ZDHHC21: variants seen among roughly 807,000 people sequenced by gnomAD.
ZDHHC21 encodes zDHHC palmitoyltransferase 21.
A neutral mutation model predicts 34.6 loss-of-function variants in ZDHHC21; 15 were observed. The ratio of observed to expected loss-of-function variants is 0.43; its 90% CI spans 0.29 to 0.67. The LOEUF (loss-of-function observed/expected upper bound fraction) is 0.67. Ranked by LOEUF, ZDHHC21 falls within the 30% of genes least tolerant of loss-of-function variation. The probability of loss-of-function intolerance (pLI) is 0.14; values close to 1 mark genes in which losing one functional copy is unlikely to be tolerated. For synonymous variants in ZDHHC21, 142 were observed against 101.8 expected, an observed-to-expected ratio of 1.40 and a Z score of -2.38; for missense variants, 344 against 327.7, an observed-to-expected ratio of 1.05 and a Z score of -0.38.
Position 14,674,369 on chromosome 9 carries a change from C to T in ZDHHC21, c.-29G>A, listed in dbSNP as rs754933382. On this transcript the variant is annotated 5_prime_UTR_variant, in exon 4 of 10. An upstream open reading frame in the 5' UTR gains an earlier in-frame stop. Transcript: ENST00000380916. ...GCAATCTTATAACTGCCTGCTAACCCACAAGGAAGGATGATCCTAAGGAGA... is the reference window on the plus strand; with the variant it reads ...GCAATCTTATAACTGCCTGCTAACCTACAAGGAAGGATGATCCTAAGGAGA... The T allele has an allele frequency of 6.4e-7, 1 of 1,570,394 alleles. No individual in the cohort carries two copies.
chr9:14,689,156 G>C (rs912161068), intron 2 of ZDHHC21, among the ~76,000 whole-genome samples: 1 of 152,216 alleles, frequency 6.6e-6, no homozygotes, highest in African/African-American at 2.4e-5. Flanking sequence ...CCTTCGGCTA[G>C]TATCATACTA....
the ZDHHC21 span, among the ~76,000 whole-genome samples, chr9:14,601,312 C>T: frequency 2.6e-5 from 4 of 152,056 alleles, no homozygotes; most frequent in Non-Finnish European, 5.9e-5. Flanking sequence ...AAGAAAAAAA[C>T]AACCCCATCA....
chr9:14,684,411 G>C (rs935472815), intron 2 of ZDHHC21, among the ~76,000 whole-genome samples: 1 of 147,474 alleles, frequency 6.8e-6, no homozygotes, highest in African/African-American at 2.5e-5. Context: ...ACCAACAACA[G>C]ACAAACAGAG....
At chr9:14,662,754 A>C (rs1021660276) in intron 5 of ZDHHC21, among the ~76,000 whole-genome samples, 1 of 152,334 alleles carries the variant, frequency 6.6e-6, no homozygotes, top group Admixed American at 6.5e-5. Flanking sequence ...CCTGGTTTCA[A>C]TTGATTAGTA....
chr9:14,680,559 T>C (rs1389613369), intron 2 of ZDHHC21, among the ~76,000 whole-genome samples: 3 of 152,102 alleles, frequency 2.0e-5, no homozygotes, highest in Non-Finnish European at 4.4e-5. Context: ...TAATTTAAAA[T>C]GCTTTAAGAA....
At chr9:14,662,399 G>C (rs1176315499) in intron 5 of ZDHHC21, 73 bp from the exon 6 acceptor site, 1 of 1,165,618 alleles carries the variant, frequency 8.6e-7, no homozygotes, top group East Asian at 2.5e-5. Flanking sequence ...CAGTTGTTTA[G>C]AAGATTTTAT....
intron 7 of ZDHHC21, among the ~76,000 whole-genome samples, chr9:14,649,429 A>C (rs879888743): frequency 2.6e-5 from 4 of 152,046 alleles, no homozygotes; most frequent in African/African-American, 4.8e-5. Context: ...TTTAATCCTA[A>C]AATAAAATCC....
chr9:14,612,294 T>C lies in ZDHHC21; in HGVS notation c.*6672A>G, dbSNP rs1823435496. The C allele has an allele frequency of 6.6e-6, 1 of 152,006 alleles. No homozygotes were observed. The highest frequency in any genetic ancestry group is 2.4e-5 in the African/African-American group (1 of 41,434). 9.4% of individuals were successfully genotyped at this position (152,006 alleles called of 1,614,324 possible). On this transcript the variant is annotated 3_prime_UTR_variant, in exon 10 of 10. Transcript: ENST00000380916. ...AGAGGTTGATTTTAGCTAACAATAA[T>C]GCAAAATATTTTCAAATGTGAATGT... is the stretch of plus-strand genomic sequence containing the variant.
chr9:14,600,151 G>C, the ZDHHC21 span, among the ~76,000 whole-genome samples: 9 of 152,260 alleles, frequency 5.9e-5, no homozygotes, highest in East Asian at 1.9e-4. Context: ...GGAAGTTCTA[G>C]CCAGGGCAAT....
chr9:14,668,667 G>A (rs911959899), intron 5 of ZDHHC21, among the ~76,000 whole-genome samples: 3 of 149,180 alleles, frequency 2.0e-5, no homozygotes, highest in Admixed American at 1.3e-4. Context: ...TAGACCAATG[G>A]AACAGAACAG....
intron 2 of ZDHHC21, among the ~76,000 whole-genome samples, chr9:14,687,661 C>A (rs1343039837): frequency 6.6e-6 from 1 of 150,632 alleles, no homozygotes; most frequent in Non-Finnish European, 1.5e-5. Context: ...AGTCTGGGTG[C>A]CAGAGTAAGG....
chr9:14,645,261 C>G (rs942358101), intron 7 of ZDHHC21, among the ~76,000 whole-genome samples: 4 of 151,686 alleles, frequency 2.6e-5, no homozygotes, highest in African/African-American at 9.7e-5. Flanking sequence ...CAAGGAGAGA[C>G]AAATAGATCA....
Position 14,612,509 on chromosome 9 carries a change from G to A in ZDHHC21, c.*6457C>T, listed in dbSNP as rs1011653755. ...TTTTAAATTACGAGTACACTTAAAGGGTGTTTCTCTTCATTTTTGTAAAAT... is the reference window on the plus strand; with the variant it reads ...TTTTAAATTACGAGTACACTTAAAGAGTGTTTCTCTTCATTTTTGTAAAAT... On this transcript the variant is annotated 3_prime_UTR_variant, in exon 10 of 10. Coordinates refer to ENST00000380916, the MANE Select transcript of ZDHHC21 (RefSeq NM_178566.6). 1 of 151,776 alleles carries A rather than the reference G, an allele frequency of 6.6e-6. No homozygotes were observed. The highest frequency in any genetic ancestry group is 6.6e-5 in the Admixed American group (1 of 15,194). 9.4% of individuals were successfully genotyped at this position (151,776 alleles called of 1,614,324 possible). A position where few individuals can be genotyped will look rare whatever the true frequency, so the allele number is the denominator to read the frequency against.
chr9:14,657,965 T>C (rs1314130035), intron 7 of ZDHHC21, among the ~76,000 whole-genome samples: 2 of 152,184 alleles, frequency 1.3e-5, no homozygotes, highest in Non-Finnish European at 2.9e-5. Context: ...AGATGAAACA[T>C]TTCTAAAACT....
At chr9:14,677,345 G>C (rs1564381274) in intron 3 of ZDHHC21, 1 of 151,902 alleles carries the variant, frequency 6.6e-6, no homozygotes, top group Non-Finnish European at 1.5e-5. Flanking sequence ...TTGGGTCGTA[G>C]AACACAAAAC....
chr9:14,621,216 T>C (rs958008432), intron 8 of ZDHHC21, among the ~76,000 whole-genome samples: 1 of 152,056 alleles, frequency 6.6e-6, no homozygotes, highest in Non-Finnish European at 1.5e-5. Flanking sequence ...GAAAGGTATA[T>C]GAATGGCCTA....
chr9:14,644,723 G>C lies in ZDHHC21; in HGVS notation c.505-4711C>G, dbSNP rs193256353. On this transcript the variant is annotated intron_variant, in intron 7 of 9. Transcript: ENST00000380916. ...GTGCAAAAACCACCTTTCATTCCTA[G>C]GATAAACTCAATTTGATCAGGTTGC... Among the ~76,000 whole-genome samples the C allele has an allele frequency of 6.6e-5, 10 of 151,458 alleles. No individual in the cohort carries two copies. The East Asian group carries it at 1.9e-3, about 29-fold the overall frequency.
At chr9:14,629,402 A>G (rs924999062) in intron 8 of ZDHHC21, among the ~76,000 whole-genome samples, 1 of 152,202 alleles carries the variant, frequency 6.6e-6, no homozygotes, top group Non-Finnish European at 1.5e-5. Context: ...AGTCAGAATC[A>G]AACCTGATAC....
intron 7 of ZDHHC21, among the ~76,000 whole-genome samples, chr9:14,650,934 C>T (rs1564294428): frequency 6.6e-6 from 1 of 151,898 alleles, no homozygotes; most frequent in African/African-American, 2.4e-5. Flanking sequence ...TTCCCCTTCA[C>T]ATAAAAATAA....
Sources: gnomAD v4.1 joint callset for allele counts (sites outside exome capture counted in the v4.1 genomes callset) on GRCh38, gnomAD v4.1.1 for gene constraint, MANE v1.5 for transcripts, NCBI Gene and HGNC (gene_info 2026-07-23, HGNC 2026-07-21) for gene names.